Variants in PLAGL1 observed in about 807,000 individuals in gnomAD.
PLAGL1 encodes PLAG1 like zinc finger 1.
In PLAGL1, 1 loss-of-function variant was observed where a neutral mutation model predicts 4.6. The ratio of observed to expected loss-of-function variants is 0.22; its 90% CI spans 0.08 to 1.03. The LOEUF (loss-of-function observed/expected upper bound fraction) is 1.03. Among genes scored for constraint, PLAGL1 ranks in the 50% least tolerant of loss-of-function variants. The probability of loss-of-function intolerance (pLI) is 0.58; values close to 1 mark genes in which losing one functional copy is unlikely to be tolerated. For synonymous variants in PLAGL1, 240 were observed against 237.8 expected (o/e 1.01, Z -0.08); for missense variants, 464 against 570.4 (o/e 0.81, Z 1.90).
chr6:144,046,269 G>A (rs1427743181), intron 1 of PLAGL1, among the ~76,000 whole-genome samples: 1 of 152,078 alleles, frequency 6.6e-6, no homozygotes, highest in Non-Finnish European at 1.5e-5. Context: ...AAGGTGCTCT[G>A]GTTTTTAGAA....
rs777194150 is a variant in PLAGL1, at chr6:143,941,698, G to T, written c.1118C>A (p.Thr373Lys). 2 of 1,614,244 alleles carry T rather than the reference G, an allele frequency of 1.2e-6. No individual in the cohort carries two copies. Among genetic ancestry groups the T allele is most frequent in the Admixed American group, 1.7e-5 (1 of 60,034 alleles). The change falls in exon 8 of 8, where the codon ACA becomes AAA. Residue 373 changes from threonine (T) to lysine (K), a missense_variant. Thr to Lys is a moderately conservative substitution (Grantham distance 78, BLOSUM62 -1). Around this residue, in one of 4 missense-constraint regions of PLAGL1, gnomAD observed 248 missense variants for 250.1 expected, o/e 0.99. Coordinates refer to ENST00000674357, the MANE Select transcript of PLAGL1 (RefSeq NM_001317162.2). The surrounding 1 kb of genome is among the most constrained non-coding windows in gnomAD (Gnocchi z 6.0). The part of the protein sequence containing the change: ...KELPADAVNL[T>K]IPASLDLSPL... ...GGACAGGTCCAGAGAGGCAGGTATT[G>T]TTAGGTTCACAGCATCTGCAGGCAG...
At position 143,962,304 on chromosome 6, in the gene PLAGL1, T is replaced by C. The variant is rs1337296358; in HGVS notation, c.-398-1762A>G. 6.6e-6 allele frequency among the ~76,000 whole-genome samples: 1 copy of C among 152,202 alleles called. No individual in the cohort carries two copies. The highest frequency in any genetic ancestry group is 2.4e-5 in the African/African-American group (1 of 41,456). ...ATTGCTTTTCAGGTCAGAATTTAGA[T>C]TTCTAAAGCAGAGGGAAAAAAGGGT... On this transcript the variant is annotated intron_variant, in intron 5 of 7. Coordinates refer to ENST00000674357, the MANE Select transcript of PLAGL1 (RefSeq NM_001317162.2). This position sits in a 1 kb window ranked among gnomAD's most constrained non-coding sequence, Gnocchi z 5.3.
chr6:143,950,568 A>G lies in PLAGL1; in HGVS notation c.-324-2108T>C, dbSNP rs1347652208. On this transcript the variant is annotated intron_variant, in intron 6 of 7. Transcript: ENST00000674357. This position sits in a 1 kb window ranked among gnomAD's most constrained non-coding sequence, Gnocchi z 6.3. Reference sequence around the variant, plus strand: ...TCTAGGTTTATTAAAAAAGACTAACACACACAGAGTATGAAGTTTGAAAAT... The same window carrying G: ...TCTAGGTTTATTAAAAAAGACTAACGCACACAGAGTATGAAGTTTGAAAAT... Among the ~76,000 whole-genome samples the G allele has an allele frequency of 6.6e-6, 1 of 152,172 alleles. No individual in the cohort carries two copies. Among genetic ancestry groups the G allele is most frequent in the African/African-American group, 2.4e-5 (1 of 41,418 alleles).
At position 143,941,996 on chromosome 6, in the gene PLAGL1, G is replaced by T. The variant is rs1436806446; in HGVS notation, c.820C>A (p.Pro274Thr). ...TLSPPEQAAQ[P>T]MQPLPESLAS... ...AGGGACTCTGGCAGCGGCTGCATAG[G>T]CTGGGCGGCTTGTTCTGGGGGACTG... The change falls in exon 8 of 8, where the codon CCT (proline) becomes ACT (threonine). Residue 274 changes from proline to threonine, a missense_variant. Coordinates refer to ENST00000674357, the MANE Select transcript of PLAGL1 (RefSeq NM_001317162.2). The surrounding 1 kb of genome is among the most constrained non-coding windows in gnomAD (Gnocchi z 6.0). 2.5e-6 allele frequency: 4 copies of T among 1,593,544 alleles called. No homozygotes were observed. The Admixed American group carries it at 5.1e-5, about 20-fold the overall frequency.
rs1294640631 is a variant in PLAGL1, at chr6:143,940,399, A to G, written c.*1025T>C. Reference sequence around the variant, plus strand: ...AGCTTTAAAAAAGGTTAGGTTTTACATCTTTAAAACTCATTAATAAGATAC... The same window carrying G: ...AGCTTTAAAAAAGGTTAGGTTTTACGTCTTTAAAACTCATTAATAAGATAC... On this transcript the variant is annotated 3_prime_UTR_variant, in exon 8 of 8. Transcript: ENST00000674357. The G allele has an allele frequency of 1.3e-5, 2 of 152,246 alleles. No homozygotes were observed. Among genetic ancestry groups the G allele is most frequent in the Admixed American group, 6.5e-5 (1 of 15,280 alleles). 9.4% of individuals were successfully genotyped at this position (152,246 alleles called of 1,614,324 possible). A position where few individuals can be genotyped will look rare whatever the true frequency, so the allele number is the denominator to read the frequency against.
rs1790188254 is a variant in PLAGL1 at position 143,990,341 on chromosome 6, C to T, written c.-583-5167G>A. ...TCAACATGTTGGCCAGGATGGTCTCCATCCCCTGACCTCGGGATCCGCCCG... is the reference window on the plus strand; with the variant it reads ...TCAACATGTTGGCCAGGATGGTCTCTATCCCCTGACCTCGGGATCCGCCCG... On this transcript the variant is annotated intron_variant, in intron 1 of 7. Transcript: ENST00000674357. This position sits in a 1 kb window ranked among gnomAD's most constrained non-coding sequence, Gnocchi z 5.4. Among the ~76,000 whole-genome samples the T allele has an allele frequency of 6.6e-6, 1 of 152,062 alleles. No homozygotes were observed.
intron 1 of PLAGL1, among the ~76,000 whole-genome samples, chr6:144,019,479 A>G (rs1014539791): frequency 3.9e-5 from 6 of 152,174 alleles, no homozygotes; most frequent in Admixed American, 3.9e-4. Context: ...TGAGGAAAAA[A>G]AAATGCTATA....
At chr6:143,981,877 T>C (rs780821173) in intron 2 of PLAGL1, among the ~76,000 whole-genome samples, 6 of 152,202 alleles carry the variant, frequency 3.9e-5, no homozygotes, top group Non-Finnish European at 7.3e-5. Context: ...CAAACTACTA[T>C]AGCATCCCTT....
rs1348618539 is a variant in PLAGL1 at position 143,940,560 on chromosome 6, G to GTAGTT, written c.*859_*863dup. The GTAGTT allele has an allele frequency of 6.6e-6, 1 of 152,364 alleles. No individual in the cohort carries two copies. The highest frequency in any genetic ancestry group is 6.5e-5 in the Admixed American group (1 of 15,268). 9.4% of individuals were successfully genotyped at this position (152,364 alleles called of 1,614,324 possible). On this transcript the variant is annotated 3_prime_UTR_variant, in exon 8 of 8. Transcript: ENST00000674357. ...CTTAAGAACTTAAGCAGCTTGAGTAGTAGTTTAAGCTAGACAGAGCAAAGA... is the reference window on the plus strand; with the variant it reads ...CTTAAGAACTTAAGCAGCTTGAGTAGTAGTTTAGTTTAAGCTAGACAGAGCAAAGA...
intron 1 of PLAGL1, among the ~76,000 whole-genome samples, chr6:144,029,557 T>C (rs1796640614): frequency 6.6e-6 from 1 of 152,248 alleles, no homozygotes. Context: ...AAGATACTCC[T>C]CATCATAAGA....
intron 2 of PLAGL1, among the ~76,000 whole-genome samples, chr6:143,980,326 A>G (rs1053933345): frequency 6.7e-6 from 1 of 149,754 alleles, no homozygotes; most frequent in Non-Finnish European, 1.5e-5. Flanking sequence ...CTCCAATTAC[A>G]TACATATTTG....
intron 2 of PLAGL1, among the ~76,000 whole-genome samples, chr6:143,981,512 G>A (rs2128607488): frequency 6.6e-6 from 1 of 152,178 alleles, no homozygotes; most frequent in East Asian, 1.9e-4. Flanking sequence ...TCTCAACCTA[G>A]GATAAGCTGT....
Position 143,968,755 on chromosome 6 carries a change from G to A in PLAGL1, c.-472+152C>T, listed in dbSNP as rs150635961. On this transcript the variant is annotated intron_variant, in intron 3 of 7. Coordinates refer to ENST00000674357, the MANE Select transcript of PLAGL1 (RefSeq NM_001317162.2). This position sits in a 1 kb window ranked among gnomAD's most constrained non-coding sequence, Gnocchi z 6.3. ...CCTCAAATGTAAATTCTCTCACAAAGTCTTTTCTGGGACATAAGCCCCTCT... is the reference window on the plus strand; with the variant it reads ...CCTCAAATGTAAATTCTCTCACAAAATCTTTTCTGGGACATAAGCCCCTCT... The A allele has an allele frequency of 7.0e-3, 1,062 of 152,264 alleles. 4 individuals carry two copies. Among genetic ancestry groups the A allele is most frequent in the Non-Finnish European group, 0.01 (702 of 68,060 alleles). 9.4% of individuals were successfully genotyped at this position (152,264 alleles called of 1,614,324 possible).
In PLAGL1 at chr6:143,954,685, T is replaced by C. The variant is rs1055138037; in HGVS notation, c.-325+5784A>G. ...CATCACATGACAAAGTTACCTATTATCATTGCTTGCATGAAACATTCATGT... is the reference window on the plus strand; with the variant it reads ...CATCACATGACAAAGTTACCTATTACCATTGCTTGCATGAAACATTCATGT... On this transcript the variant is annotated intron_variant, in intron 6 of 7. Coordinates refer to ENST00000674357, the MANE Select transcript of PLAGL1 (RefSeq NM_001317162.2). This position sits in a 1 kb window ranked among gnomAD's most constrained non-coding sequence, Gnocchi z 5.1. 1.3e-5 allele frequency among the ~76,000 whole-genome samples: 2 copies of C among 152,214 alleles called. No homozygotes were observed. Among genetic ancestry groups the C allele is most frequent in the African/African-American group, 4.8e-5 (2 of 41,450 alleles).
intron 2 of PLAGL1, among the ~76,000 whole-genome samples, chr6:143,981,225 T>C (rs7743408): frequency 0.037 from 4,820 of 130,720 alleles, 296 homozygotes; most frequent in African/African-American, 0.13. Flanking sequence ...ATCCCACTTA[T>C]ATACAAGGTT....
Position 143,982,393 on chromosome 6 carries a change from A to G in PLAGL1, c.-544+2742T>C, listed in dbSNP as rs1016704232. On this transcript the variant is annotated intron_variant, in intron 2 of 7. Coordinates refer to ENST00000674357, the MANE Select transcript of PLAGL1 (RefSeq NM_001317162.2). This position sits in a 1 kb window ranked among gnomAD's most constrained non-coding sequence, Gnocchi z 5.3. ...ATGGCTAAAGCAGTCAGTGAAGGGA[A>G]GCGGTAAAAGATTAGGCCAGAAGTA... 1.2e-4 allele frequency among the ~76,000 whole-genome samples: 18 copies of G among 152,198 alleles called. No individual in the cohort carries two copies. Among genetic ancestry groups the G allele is most frequent in the African/African-American group, 4.3e-4 (18 of 41,458 alleles).
intron 1 of PLAGL1, among the ~76,000 whole-genome samples, chr6:144,029,757 T>C (rs1796662418): frequency 6.6e-6 from 1 of 152,190 alleles, no homozygotes; most frequent in Non-Finnish European, 1.5e-5. Flanking sequence ...CACATATTGC[T>C]CACATATTGC....
chr6:144,014,286 C>G (rs1795411987), intron 1 of PLAGL1, among the ~76,000 whole-genome samples: 1 of 151,954 alleles, frequency 6.6e-6, no homozygotes, highest in African/African-American at 2.4e-5. Context: ...CAAAATTTGC[C>G]AGGCATAGTG....
In PLAGL1 at chr6:143,966,761, AATT is replaced by A. The variant is rs1349776944; in HGVS notation, c.-471-566_-471-564del. On this transcript the variant is annotated intron_variant, in intron 3 of 7. Coordinates refer to ENST00000674357, the MANE Select transcript of PLAGL1 (RefSeq NM_001317162.2). The surrounding 1 kb of genome is among the most constrained non-coding windows in gnomAD (Gnocchi z 6.0). ...CTAGCATTTTAAACATTGATAGAGA[AATT>A]ATTTTCTTTTCTAATTTTAATATTT... The A allele has an allele frequency of 6.6e-6, 1 of 152,110 alleles. No individual in the cohort carries two copies. Among genetic ancestry groups the A allele is most frequent in the Non-Finnish European group, 1.5e-5 (1 of 68,008 alleles). The allele number at this position is 152,110 out of a possible 1,614,324, so 9.4% of individuals were successfully genotyped here.
Sources: gnomAD v4.1 joint callset for allele counts (sites outside exome capture counted in the v4.1 genomes callset) on GRCh38, gnomAD v4.1.1 for gene constraint, gnomAD v4.1.1 regional missense constraint, Gnocchi (gnomAD v3.1) non-coding constraint, MANE v1.5 for transcripts, NCBI Gene and HGNC (gene_info 2026-07-23, HGNC 2026-07-21) for gene names.